Variants in AGO3 observed in about 807,000 individuals in gnomAD.
The protein encoded by AGO3 is argonaute RISC catalytic component 3.
A neutral mutation model predicts 105.5 loss-of-function variants in AGO3; 16 were observed. The ratio of observed to expected loss-of-function variants is 0.15; its 90% CI spans 0.10 to 0.23. The LOEUF is 0.23. Among genes scored for constraint, AGO3 ranks in the 10% least tolerant of loss-of-function variants. The pLI is 1.00. For missense variants in AGO3, 534 were observed against 1,088.0 expected, an observed-to-expected ratio of 0.49 and a Z score of 7.16; for synonymous variants, 340 against 367.3, an observed-to-expected ratio of 0.93 and a Z score of 0.85.
intron 15 of AGO3, 108 bp from the exon 16 acceptor site, chr1:36,040,199 A>G: frequency 3.1e-6 from 4 of 1,288,798 alleles, no homozygotes; most frequent in Non-Finnish European, 4.3e-6. Context: ...TCTATTAGCT[A>G]TAGAGTGGTG....
intron 2 of AGO3, among the ~76,000 whole-genome samples, chr1:35,956,640 T>G (rs1367494829): frequency 1.3e-5 from 2 of 151,256 alleles, no homozygotes; most frequent in Non-Finnish European, 3.0e-5. Flanking sequence ...TTTTTTTGTT[T>G]TTTTTTTTTT....
chr1:35,958,365 A>G (rs775716628), intron 2 of AGO3, among the ~76,000 whole-genome samples: 6 of 151,952 alleles, frequency 3.9e-5, no homozygotes, highest in Non-Finnish European at 7.4e-5. Flanking sequence ...TAGGCGACAG[A>G]ATAAGACTCC....
intron 5 of AGO3, among the ~76,000 whole-genome samples, chr1:36,003,600 A>G (rs1640196063): frequency 6.6e-6 from 1 of 150,624 alleles, no homozygotes; most frequent in South Asian, 2.1e-4. Context: ...AGGCTGAGGC[A>G]GGAGAATCGC....
intron 5 of AGO3, among the ~76,000 whole-genome samples, chr1:35,990,751 A>G (rs926371631): frequency 2.6e-5 from 4 of 152,220 alleles, no homozygotes; most frequent in Non-Finnish European, 5.9e-5. Context: ...TATTAATCAC[A>G]GTATTAGTGT....
intron 5 of AGO3, among the ~76,000 whole-genome samples, chr1:35,973,983 T>C (rs1646913184): frequency 6.6e-6 from 1 of 152,212 alleles, no homozygotes; most frequent in Non-Finnish European, 1.5e-5. Context: ...TATTATGAAC[T>C]ACCACATAGG....
chr1:36,037,558 C>T (rs1642066801), intron 14 of AGO3, among the ~76,000 whole-genome samples: 1 of 152,060 alleles, frequency 6.6e-6, no homozygotes, highest in African/African-American at 2.4e-5. Flanking sequence ...TTCTATGATA[C>T]ATTATAATCT....
At chr1:36,025,108 A>G (rs956853608) in intron 11 of AGO3, among the ~76,000 whole-genome samples, 1 of 152,232 alleles carries the variant, frequency 6.6e-6, no homozygotes, top group Non-Finnish European at 1.5e-5. Context: ...CTCTACTTAT[A>G]TAAAGTATGT....
Position 35,995,217 on chromosome 1 carries a change from T to A in AGO3, c.659-9124T>A, listed in dbSNP as rs868483503. ...CACTGTCTAAAAAAAAAAATATATATATATATATATATATATATATTATAT... is the reference window on the plus strand; with the variant it reads ...CACTGTCTAAAAAAAAAAATATATAAATATATATATATATATATATTATAT... On this transcript the variant is annotated intron_variant, in intron 5 of 18. Coordinates refer to ENST00000373191, the MANE Select transcript of AGO3 (RefSeq NM_024852.4). 5.6e-3 allele frequency among the ~76,000 whole-genome samples: 803 copies of A among 143,592 alleles called. 3 individuals carry two copies. The highest frequency in any genetic ancestry group is 0.011 in the Middle Eastern group (3 of 274). The allele number at this position is 143,592 out of a possible 152,430, so 94.2% of individuals were successfully genotyped here. A position where few individuals can be genotyped will look rare whatever the true frequency, so the allele number is the denominator to read the frequency against.
chr1:36,042,384 C>T (rs1642285673), intron 16 of AGO3, among the ~76,000 whole-genome samples: 1 of 152,180 alleles, frequency 6.6e-6, no homozygotes, highest in Non-Finnish European at 1.5e-5. Flanking sequence ...CACACCCAGC[C>T]TACAACTTTT....
intron 2 of AGO3, among the ~76,000 whole-genome samples, chr1:35,954,158 T>C (rs1251001836): frequency 6.6e-6 from 1 of 152,196 alleles, no homozygotes; most frequent in African/African-American, 2.4e-5. Context: ...TTATACAAAA[T>C]ATGTCAGCTA....
intron 17 of AGO3, among the ~76,000 whole-genome samples, chr1:36,046,662 A>T (rs538132260): frequency 9.6e-5 from 11 of 115,024 alleles, no homozygotes; most frequent in African/African-American, 3.5e-4. Flanking sequence ...AAAAGAGGTC[A>T]TACCTCTCCA....
intron 5 of AGO3, among the ~76,000 whole-genome samples, chr1:35,999,106 A>T (rs1639970245): frequency 6.6e-6 from 1 of 152,192 alleles, no homozygotes; most frequent in Admixed American, 6.5e-5. Flanking sequence ...TAATCCCAGC[A>T]CTTTGGGAGG....
At chr1:35,934,973 T>C (rs1021380427) in intron 1 of AGO3, among the ~76,000 whole-genome samples, 1 of 152,222 alleles carries the variant, frequency 6.6e-6, no homozygotes, top group African/African-American at 2.4e-5. Context: ...ATTTTCTCAC[T>C]TGTAGTTCTT....
chr1:35,999,718 A>C (rs1639996569), intron 5 of AGO3, among the ~76,000 whole-genome samples: 2 of 152,290 alleles, frequency 1.3e-5, no homozygotes, highest in African/African-American at 4.8e-5. Flanking sequence ...CCTTAAATCT[A>C]GTAACATTGC....
intron 16 of AGO3, among the ~76,000 whole-genome samples, chr1:36,041,532 C>T (rs369657010): frequency 2.0e-5 from 3 of 152,096 alleles, no homozygotes; most frequent in African/African-American, 4.8e-5. Context: ...TGAGCCACTG[C>T]GCCCGGCCAG....
At chr1:35,996,915 TAAC>T (rs1639853651) in intron 5 of AGO3, among the ~76,000 whole-genome samples, 1 of 151,962 alleles carries the variant, frequency 6.6e-6, no homozygotes, top group East Asian at 1.9e-4. Context: ...AGACTGAAAA[TAAC>T]AAATGTTGAC....
chr1:36,030,444 G>A (rs1286363108), intron 12 of AGO3, among the ~76,000 whole-genome samples: 1 of 151,368 alleles, frequency 6.6e-6, no homozygotes, highest in Non-Finnish European at 1.5e-5. Flanking sequence ...GGAGGTTGCA[G>A]TGAGCCAAGA....
Position 35,933,929 on chromosome 1 carries a change from G to A in AGO3, c.19+2484G>A, listed in dbSNP as rs143332893. ...TAAGTTAGTATTTGTTCTTTCATAT[G>A]AAATATTTTAAATGCTTTTTAAGGA... is the stretch of plus-strand genomic sequence containing the variant. On this transcript the variant is annotated intron_variant, in intron 1 of 18. Coordinates refer to ENST00000373191, the MANE Select transcript of AGO3 (RefSeq NM_024852.4). Among the ~76,000 whole-genome samples, 528 of 152,040 alleles carry A rather than the reference G, an allele frequency of 3.5e-3. 1 individual carries two copies. Among genetic ancestry groups the A allele is most frequent in the Non-Finnish European group, 6.0e-3 (405 of 67,962 alleles).
chr1:36,043,500 A>C lies in AGO3; in HGVS notation c.2226A>C (p.Thr742=). The change falls in exon 17 of 19, where the codon ACA becomes ACC. Residue 742 remains threonine, a synonymous_variant. Coordinates refer to ENST00000373191, the MANE Select transcript of AGO3 (RefSeq NM_024852.4). ...PAGTTVDTDI[T]HPYEFDFYLC... is the part of the protein sequence containing the mutation. ...GAACAACAGTTGATACAGACATTAC[A>C]CACCCATATGAGTTCGATTTTTACC... is the stretch of plus-strand genomic sequence containing the variant. 2 of 1,614,048 alleles carry C rather than the reference A, an allele frequency of 1.2e-6. No homozygotes were observed. Among genetic ancestry groups the C allele is most frequent in the Non-Finnish European group, 1.7e-6 (2 of 1,179,982 alleles).
Sources: allele counts gnomAD v4.1 joint callset (sites outside exome capture counted in the v4.1 genomes callset), GRCh38; gene constraint gnomAD v4.1.1; transcripts MANE v1.5; gene names NCBI Gene and HGNC (gene_info 2026-07-23, HGNC 2026-07-21).